Variants in STON1 observed in about 807,000 individuals in gnomAD.
The protein encoded by STON1 is stonin 1, also known as stonin-1.
STON1 carries 79 observed loss-of-function variants against 60.9 expected under a neutral mutation model. The ratio of observed to expected loss-of-function variants is 1.30; its 90% CI spans 1.08 to 1.56. The LOEUF (loss-of-function observed/expected upper bound fraction) is 1.56. STON1 is among the 40% of genes most tolerant of loss of function. STON1 has a pLI of 0.00. For missense variants in STON1, 1,166 were observed against 858.9 expected (o/e 1.36, Z -4.47); for synonymous variants, 363 against 306.9 (o/e 1.18, Z -1.91).
At chr2:48,578,581 C>CTTTTTTTTGTTTTTTTTTT (rs1673677316) in intron 1 of STON1, among the ~76,000 whole-genome samples, 1 of 46,154 alleles carries the variant, frequency 2.2e-5, no homozygotes, top group Non-Finnish European at 3.5e-5. Context: ...CTCCTCCTTC[C>CTTTTTTTTGTTTTTTTTTT]TTTTTTTTTT....
At chr2:48,559,743 G>A (rs1672531961) in intron 1 of STON1, among the ~76,000 whole-genome samples, 1 of 152,132 alleles carries the variant, frequency 6.6e-6, no homozygotes, top group African/African-American at 2.4e-5. Context: ...TACCACCAGG[G>A]AATCAGACCT....
intron 1 of STON1, among the ~76,000 whole-genome samples, chr2:48,545,374 G>A (rs1225948037): frequency 6.6e-6 from 1 of 152,164 alleles, no homozygotes; most frequent in Non-Finnish European, 1.5e-5. Flanking sequence ...TCCCATCTCT[G>A]CCAGATGTTC....
At chr2:48,584,080 G>T (rs1351485628) in intron 2 of STON1, among the ~76,000 whole-genome samples, 1 of 151,968 alleles carries the variant, frequency 6.6e-6, no homozygotes, top group East Asian at 1.9e-4. Flanking sequence ...AGTACTTACT[G>T]TATACCAAGT....
chr2:48,569,052 C>G (rs1051143789), intron 1 of STON1: 1 of 152,220 alleles, frequency 6.6e-6, no homozygotes, highest in African/African-American at 2.4e-5. Flanking sequence ...TGGTCACAGT[C>G]TAGGTTCTAC....
chr2:48,537,787 T>C (rs1008537853), intron 1 of STON1, among the ~76,000 whole-genome samples: 1 of 150,542 alleles, frequency 6.6e-6, no homozygotes, highest in East Asian at 2.0e-4. Context: ...GAGGTGGAGA[T>C]TGCAGTGTGC....
intron 1 of STON1, among the ~76,000 whole-genome samples, chr2:48,557,085 C>A (rs1259095881): frequency 9.5e-6 from 1 of 105,070 alleles, no homozygotes; most frequent in South Asian, 4.2e-4. Flanking sequence ...CCCCCCCCCA[C>A]CTCCCTCCCG....
intron 1 of STON1, among the ~76,000 whole-genome samples, chr2:48,554,722 T>TATTTATTTATTCA (rs1244308143): frequency 1.0e-5 from 1 of 99,460 alleles, no homozygotes; most frequent in African/African-American, 3.8e-5. Flanking sequence ...TTTTTTTTTT[T>TATTTATTTATTCA]TTTATTTATT....
At chr2:48,568,405 A>G (rs1270113328) in intron 1 of STON1, among the ~76,000 whole-genome samples, 1 of 152,214 alleles carries the variant, frequency 6.6e-6, no homozygotes, top group African/African-American at 2.4e-5. Flanking sequence ...GTAGAACTTC[A>G]TATTTACATT....
At position 48,540,123 on chromosome 2, in the gene STON1, G is replaced by A. The variant is rs138102521; in HGVS notation, c.-48+9907G>A. 3.5e-3 allele frequency among the ~76,000 whole-genome samples: 535 copies of A among 152,110 alleles called. 3 individuals are homozygous for A. Among genetic ancestry groups the A allele is most frequent in the African/African-American group, 0.012 (481 of 41,490 alleles). ...ATTGACCTAACTTCCACTTCCCTCT[G>A]TTTCTGGTACCTGGAGATTTCTACT... On this transcript the variant is annotated intron_variant, in intron 1 of 3. Coordinates refer to ENST00000404752, the MANE Select transcript of STON1 (RefSeq NM_006873.4).
intron 1 of STON1, among the ~76,000 whole-genome samples, chr2:48,539,762 T>C (rs1376918212): frequency 6.6e-6 from 1 of 152,128 alleles, no homozygotes; most frequent in African/African-American, 2.4e-5. Context: ...CGTGAGCCAC[T>C]GTATACATTT....
intron 1 of STON1, among the ~76,000 whole-genome samples, chr2:48,553,050 A>G (rs932534182): frequency 6.6e-6 from 1 of 152,112 alleles, no homozygotes; most frequent in Non-Finnish European, 1.5e-5. Context: ...TGGGCTTCTT[A>G]CATGGCATCT....
chr2:48,551,009 G>C (rs1010940314), intron 1 of STON1, among the ~76,000 whole-genome samples: 1 of 149,904 alleles, frequency 6.7e-6, no homozygotes, highest in Admixed American at 6.7e-5. Context: ...TCTTTTACTG[G>C]TTTCTGTATT....
At chr2:48,569,027 G>A (rs941592190) in intron 1 of STON1, 3 of 152,242 alleles carry the variant, frequency 2.0e-5, no homozygotes, top group Non-Finnish European at 2.9e-5. Context: ...GGTGGACTTT[G>A]GGACTGGACA....
rs1174081657 is a variant in STON1 at position 48,596,995 on chromosome 2, C to G, written c.*1693C>G. On this transcript the variant is annotated 3_prime_UTR_variant, in exon 4 of 4. Coordinates refer to ENST00000404752, the MANE Select transcript of STON1 (RefSeq NM_006873.4). ...CTCCAACTAGCTGGGATTACAGGCA[C>G]AAGCCACCATGCCTGGCTAAAATTC... 1 of 152,222 alleles carries G rather than the reference C, an allele frequency of 6.6e-6. No homozygotes were observed. Among genetic ancestry groups the G allele is most frequent in the East Asian group, 1.9e-4 (1 of 5,168 alleles). The allele number at this position is 152,222 out of a possible 1,614,324, so 9.4% of individuals were successfully genotyped here.
At position 48,595,333 on chromosome 2, in the gene STON1, T is replaced by C. The variant is rs74876192; in HGVS notation, c.*31T>C. On this transcript the variant is annotated 3_prime_UTR_variant, in exon 4 of 4. Transcript: ENST00000404752. ...GCAAGAGTTTATGATGACAGCCCACTTGTCAAATATGTAATTCACCGAAAC... is the reference window on the plus strand; with the variant it reads ...GCAAGAGTTTATGATGACAGCCCACCTGTCAAATATGTAATTCACCGAAAC... The C allele has an allele frequency of 8.6e-4, 1,349 of 1,576,368 alleles. 26 individuals carry two copies. In the East Asian group the frequency reaches 0.025, roughly 30 times the overall value.
At chr2:48,536,491 T>A (rs1233442299) in intron 1 of STON1, among the ~76,000 whole-genome samples, 1 of 143,556 alleles carries the variant, frequency 7.0e-6, no homozygotes, top group East Asian at 2.0e-4. Flanking sequence ...GAGGTTGCAG[T>A]GAGCTGAGAT....
intron 2 of STON1, among the ~76,000 whole-genome samples, chr2:48,589,482 T>C (rs549933306): frequency 6.6e-6 from 1 of 152,360 alleles, no homozygotes; most frequent in South Asian, 2.1e-4. Flanking sequence ...AGGACAGACA[T>C]GACACCTGTC....
At chr2:48,553,518 G>C (rs979778121) in intron 1 of STON1, among the ~76,000 whole-genome samples, 3 of 150,684 alleles carry the variant, frequency 2.0e-5, no homozygotes, top group African/African-American at 7.3e-5. Context: ...GTGGAGTTTT[G>C]CTCTTGTTTC....
rs1352821400 is a variant in STON1 at position 48,597,366 on chromosome 2, C to G, written c.*2064C>G. 1 of 152,206 alleles carries G rather than the reference C, an allele frequency of 6.6e-6. No individual in the cohort carries two copies. The highest frequency in any genetic ancestry group is 2.4e-5 in the African/African-American group (1 of 41,444). The allele number at this position is 152,206 out of a possible 1,614,324, so 9.4% of individuals were successfully genotyped here. ...GGCCGAAACTGATGCTGCCCACAGT[C>G]CCAGTGAAGTTAGGTGGGTTAATTA... is the stretch of plus-strand genomic sequence containing the variant. On this transcript the variant is annotated 3_prime_UTR_variant, in exon 4 of 4. Coordinates refer to ENST00000404752, the MANE Select transcript of STON1 (RefSeq NM_006873.4).
Sources: gnomAD v4.1 joint callset for allele counts (sites outside exome capture counted in the v4.1 genomes callset) on GRCh38, gnomAD v4.1.1 for gene constraint, MANE v1.5 for transcripts, NCBI Gene and HGNC (gene_info 2026-07-23, HGNC 2026-07-21) for gene names.